ATP2B3: variants seen among roughly 807,000 people sequenced by gnomAD.
The protein encoded by ATP2B3 is plasma membrane calcium-transporting ATPase 3.
A neutral mutation model predicts 70.8 loss-of-function variants in ATP2B3; 12 were observed. That is an observed-to-expected ratio of 0.17 (90% CI 0.11 to 0.27). The LOEUF (loss-of-function observed/expected upper bound fraction) is 0.27, where lower values mean the gene tolerates loss of function less well. ATP2B3 is among the 10% of genes least tolerant of loss of function. The probability of loss-of-function intolerance (pLI) is 1.00; values close to 1 mark genes in which losing one functional copy is unlikely to be tolerated. For synonymous variants in ATP2B3, 460 were observed against 497.8 expected (o/e 0.92, Z 1.01); for missense variants, 858 against 1,118.5 (o/e 0.77, Z 3.32).
chrX:153,552,913 C>T (rs1022715390), intron 12 of ATP2B3, 122 bp from the exon 13 acceptor site: 15 of 524,210 alleles, frequency 2.9e-5, no homozygotes, highest in South Asian at 1.3e-4. Flanking sequence ...TGTTCTCACA[C>T]GGGGCACTCC....
At chrX:153,525,807 A>T (rs1444868182) in intron 2 of ATP2B3, among the ~76,000 whole-genome samples, 1 of 113,074 alleles carries the variant, frequency 8.8e-6, no homozygotes, top group African/African-American at 3.2e-5. Context: ...CAACACTGTG[A>T]CCAGCAGCTA....
At chrX:153,531,402 G>A (rs1400487411) in intron 2 of ATP2B3, among the ~76,000 whole-genome samples, 2 of 113,448 alleles carry the variant, frequency 1.8e-5, no homozygotes, top group Admixed American at 1.8e-4. Flanking sequence ...GGAGCCTGGA[G>A]GTGGAGAGAG....
rs908142950 is a variant in ATP2B3, at chrX:153,535,502, G to A, written c.-126-620G>A. ...TTTCCCTCCCTCTCTTTGCCTTTCC[G>A]TCTTGTCCCTCTCTCCCCTCCCCTG... On this transcript the variant is annotated intron_variant, in intron 2 of 21. Transcript: ENST00000263519. Among the ~76,000 whole-genome samples the A allele has an allele frequency of 1.4e-4, 14 of 97,751 alleles. No homozygotes were observed. In the East Asian group the frequency reaches 2.2e-3, roughly 15 times the overall value. 84.9% of individuals were successfully genotyped at this position (97,751 alleles called of 115,157 possible). A position where few individuals can be genotyped will look rare whatever the true frequency, so the allele number is the denominator to read the frequency against.
chrX:153,553,189 G>T lies in ATP2B3; in HGVS notation c.1978G>T (p.Asp660Tyr), dbSNP rs1428385982. 8.3e-7 allele frequency: 1 copy of T among 1,210,027 alleles called. No individual in the cohort carries two copies. The highest frequency in any genetic ancestry group is 3.0e-5 in the East Asian group (1 of 33,759). The change falls in exon 13 of 22, where the codon GAC becomes TAC. Residue 660 changes from aspartate to tyrosine, a missense_variant. This residue lies in a region of ATP2B3 where 242 missense variants were observed against 281.3 expected (regional missense o/e 0.86). Transcript: ENST00000263519. Reference sequence around the variant, plus strand: ...GGACTTCTCTGCAGGCCAGGAGCCCGACTGGGACAACGAGAATGAGGTCGT... The same window carrying T: ...GGACTTCTCTGCAGGCCAGGAGCCCTACTGGGACAACGAGAATGAGGTCGT... ...YRDFSAGQEP[D>Y]WDNENEVVGD... is the part of the protein sequence containing the mutation.
At chrX:153,522,668 G>A (rs1181748528) in intron 2 of ATP2B3, among the ~76,000 whole-genome samples, 1 of 112,323 alleles carries the variant, frequency 8.9e-6, no homozygotes, top group Non-Finnish European at 1.9e-5. Flanking sequence ...CAGGGGCTGC[G>A]CAGATACCTA....
chrX:153,575,185 G>A (rs1263663770), intron 21 of ATP2B3, among the ~76,000 whole-genome samples: 1 of 112,852 alleles, frequency 8.9e-6, no homozygotes, highest in African/African-American at 3.2e-5. Flanking sequence ...AGAGCTATGG[G>A]GAGGGCCGAA....
At chrX:153,578,872 G>T (rs949533876) in intron 21 of ATP2B3, among the ~76,000 whole-genome samples, 5 of 112,437 alleles carry the variant, frequency 4.4e-5, no homozygotes, top group Admixed American at 2.8e-4. Flanking sequence ...AGGGGCACCA[G>T]ATTGAACCAG....
chrX:153,564,796 A>T, intron 20 of ATP2B3, 125 bp from the exon 21 acceptor site: 1 of 729,896 alleles, frequency 1.4e-6, no homozygotes, highest in Non-Finnish European at 1.9e-6. Flanking sequence ...CCCTTTGCTT[A>T]GTCACAAAAA....
At chrX:153,525,900 T>C (rs2090024591) in intron 2 of ATP2B3, among the ~76,000 whole-genome samples, 1 of 113,215 alleles carries the variant, frequency 8.8e-6, no homozygotes, top group African/African-American at 3.2e-5. Flanking sequence ...AAGAATGCGC[T>C]GACCTGGGGG....
chrX:153,580,626 C>A lies in ATP2B3; in HGVS notation c.*328C>A, dbSNP rs1187105171. 2 of 247,360 alleles carry A rather than the reference C, an allele frequency of 8.1e-6. No individual in the cohort carries two copies. The highest frequency in any genetic ancestry group is 5.5e-5 in the African/African-American group (2 of 36,264). The allele number at this position is 247,360 out of a possible 1,213,427, so 20.4% of individuals were successfully genotyped here. A position where few individuals can be genotyped will look rare whatever the true frequency, so the allele number is the denominator to read the frequency against. On this transcript the variant is annotated 3_prime_UTR_variant, in exon 22 of 22. Coordinates refer to ENST00000263519, the MANE Select transcript of ATP2B3 (RefSeq NM_001001344.3). Reference sequence around the variant, plus strand: ...AGTAGAAAGTGCGAAGAGCTGAGTTCCCCACCTTTTTTTCTATTGATGCTT... The same window carrying A: ...AGTAGAAAGTGCGAAGAGCTGAGTTACCCACCTTTTTTTCTATTGATGCTT...
intron 7 of ATP2B3, 52 bp downstream of exon 7, chrX:153,543,220 C>T: frequency 8.6e-7 from 1 of 1,163,582 alleles, no homozygotes; most frequent in Non-Finnish European, 1.1e-6. Flanking sequence ...TCCTTCCACG[C>T]TGCCCATTCT....
chrX:153,580,559 G>C lies in ATP2B3; in HGVS notation c.*261G>C, dbSNP rs1435522124. ...AAAAGGAGGAAGAGGAGGACAAAAA[G>C]GGGGAGGAGAAGGTTCTTCGTCCAA... is the stretch of plus-strand genomic sequence containing the variant. On this transcript the variant is annotated 3_prime_UTR_variant, in exon 22 of 22. Transcript: ENST00000263519. 8.9e-6 allele frequency: 3 copies of C among 335,331 alleles called. No homozygotes were observed. Among genetic ancestry groups the C allele is most frequent in the Non-Finnish European group, 1.6e-5 (3 of 192,096 alleles). The allele number at this position is 335,331 out of a possible 1,213,427, so 27.6% of individuals were successfully genotyped here.
intron 20 of ATP2B3, among the ~76,000 whole-genome samples, chrX:153,564,522 G>A (rs944301105): frequency 1.8e-5 from 2 of 112,980 alleles, no homozygotes; most frequent in Admixed American, 9.2e-5. Context: ...GCTGCACCGC[G>A]TTCCACTCGG....
intron 21 of ATP2B3, among the ~76,000 whole-genome samples, chrX:153,570,770 C>T (rs189719581): frequency 4.5e-5 from 5 of 111,635 alleles, no homozygotes; most frequent in Non-Finnish European, 7.5e-5. Context: ...TCTGCCAACA[C>T]GAACACGCCA....
intron 21 of ATP2B3, among the ~76,000 whole-genome samples, chrX:153,579,326 G>A (rs931448921): frequency 8.9e-6 from 1 of 112,807 alleles, no homozygotes; most frequent in Non-Finnish European, 1.9e-5. Flanking sequence ...GGCCAGTGGA[G>A]TTAGCCGCAG....
At chrX:153,573,237 C>T (rs2090814588) in intron 21 of ATP2B3, among the ~76,000 whole-genome samples, 1 of 112,264 alleles carries the variant, frequency 8.9e-6, no homozygotes, top group Non-Finnish European at 1.9e-5. Context: ...ACATGAAAAC[C>T]GTGTGGCCAA....
intron 17 of ATP2B3, chrX:153,559,495 G>A (rs1339333065): frequency 6.2e-5 from 25 of 404,793 alleles, no homozygotes; most frequent in Non-Finnish European, 1.0e-4. Flanking sequence ...CACCTCCTGC[G>A]AGGGATTTGG....
chrX:153,552,646 G>C (rs1309496784), intron 12 of ATP2B3, among the ~76,000 whole-genome samples: 1 of 112,493 alleles, frequency 8.9e-6, no homozygotes. Flanking sequence ...CCTCCCTCCC[G>C]GTCTCTCAGC....
chrX:153,571,908 C>A (rs949348108), intron 21 of ATP2B3, among the ~76,000 whole-genome samples: 1 of 112,626 alleles, frequency 8.9e-6, no homozygotes, highest in Non-Finnish European at 1.9e-5. Context: ...TGGCTGGGGA[C>A]CTGGCAACAC....
Sources: allele counts gnomAD v4.1 joint callset (sites outside exome capture counted in the v4.1 genomes callset), GRCh38; gene constraint gnomAD v4.1.1; regional missense constraint gnomAD v4.1.1; transcripts MANE v1.5; gene names NCBI Gene and HGNC (gene_info 2026-07-23, HGNC 2026-07-21).